Variants in CRISPLD2 observed in about 807,000 individuals in gnomAD.
CRISPLD2 encodes cysteine-rich secretory protein LCCL domain-containing 2.
In CRISPLD2, 47 loss-of-function variants were observed where a neutral mutation model predicts 71.1. The ratio of observed to expected loss-of-function variants is 0.66; its 90% CI spans 0.52 to 0.84. The LOEUF is 0.84. Ranked by LOEUF, CRISPLD2 falls within the 40% of genes least tolerant of loss-of-function variation. The probability of loss-of-function intolerance (pLI) is 0.00; values close to 1 mark genes in which losing one functional copy is unlikely to be tolerated. For missense variants in CRISPLD2, 830 were observed against 651.1 expected, an observed-to-expected ratio of 1.27 and a Z score of -2.99; for synonymous variants, 317 against 250.1, an observed-to-expected ratio of 1.27 and a Z score of -2.52.
At chr16:84,834,913 G>T (rs890156657) in intron 1 of CRISPLD2, among the ~76,000 whole-genome samples, 1 of 151,874 alleles carries the variant, frequency 6.6e-6, no homozygotes, top group African/African-American at 2.4e-5. Flanking sequence ...AATCACCTCC[G>T]CAAAGGCCCC....
At chr16:84,854,707 T>C (rs1171504889) in intron 5 of CRISPLD2, 22 bp from the exon 6 acceptor site, 1 of 1,595,114 alleles carries the variant, frequency 6.3e-7, no homozygotes. Context: ...CCTCTGACGG[T>C]TGTTTTTGGG....
chr16:84,889,482 G>T (rs75622702), intron 14 of CRISPLD2, 119 bp downstream of exon 14: 3 of 1,077,254 alleles, frequency 2.8e-6, no homozygotes, highest in Admixed American at 3.1e-5. Flanking sequence ...AGACTTGCAC[G>T]AATTCTTACC....
rs916102018 is a variant in CRISPLD2, at chr16:84,907,031, A to G, written c.*389A>G. 6.5e-5 allele frequency: 16 copies of G among 246,244 alleles called. No homozygotes were observed. The South Asian group carries it at 6.9e-4, about 11-fold the overall frequency. The allele number at this position is 246,244 out of a possible 1,614,324, so 15.3% of individuals were successfully genotyped here. ...AAGAACAAACCATTTGAAGCTCACA[A>G]TTGTGAAGCATTCACGGCGTCGGAA... On this transcript the variant is annotated 3_prime_UTR_variant, in exon 15 of 15. Transcript: ENST00000262424.
chr16:84,862,153 A>G (rs7500072), intron 6 of CRISPLD2, among the ~76,000 whole-genome samples: 10 of 151,112 alleles, frequency 6.6e-5, no homozygotes, highest in Non-Finnish European at 1.0e-4. Flanking sequence ...TCTCGCCCCC[A>G]CTCCCACAGC....
intron 13 of CRISPLD2, among the ~76,000 whole-genome samples, chr16:84,887,910 A>G (rs1424735562): frequency 6.6e-6 from 1 of 152,192 alleles, no homozygotes; most frequent in African/African-American, 2.4e-5. Context: ...AAATAAATTG[A>G]AGTCATCAGA....
intron 7 of CRISPLD2, among the ~76,000 whole-genome samples, chr16:84,867,464 G>A (rs1917572983): frequency 1.3e-5 from 2 of 152,202 alleles, no homozygotes; most frequent in South Asian, 4.1e-4. Context: ...TGAAGTAGGG[G>A]ATAGAGATGC....
chr16:84,875,414 C>CTTTTTTTTTT lies in CRISPLD2; in HGVS notation c.1156+1465_1156+1474dup, dbSNP rs34028519. On this transcript the variant is annotated intron_variant, in intron 11 of 14. Transcript: ENST00000262424. Reference sequence around the variant, plus strand: ...GAGAAACATGAGATTTATGCATGGACTTTTTTTTTTTTTTTTTTTTTTTGT... The same window carrying CTTTTTTTTTT: ...GAGAAACATGAGATTTATGCATGGACTTTTTTTTTTTTTTTTTTTTTTTTTTTTTTTTTGT... Among the ~76,000 whole-genome samples, 80 of 87,778 alleles carry CTTTTTTTTTT rather than the reference C, an allele frequency of 9.1e-4. 2 individuals are homozygous for CTTTTTTTTTT. Among genetic ancestry groups the CTTTTTTTTTT allele is most frequent in the African/African-American group, 3.9e-3 (71 of 18,010 alleles). The allele number at this position is 87,778 out of a possible 152,430, so 57.6% of individuals were successfully genotyped here.
At chr16:84,875,658 G>GTGAT (rs1241599891) in intron 11 of CRISPLD2, among the ~76,000 whole-genome samples, 1 of 151,416 alleles carries the variant, frequency 6.6e-6, no homozygotes, top group Non-Finnish European at 1.5e-5. Flanking sequence ...ATGGGTTCAA[G>GTGAT]TGATTCTCCT....
chr16:84,885,233 C>T (rs930412419), intron 13 of CRISPLD2, among the ~76,000 whole-genome samples: 1 of 151,574 alleles, frequency 6.6e-6, no homozygotes. Context: ...GAACAATGAG[C>T]TTAATTGTGT....
At chr16:84,865,900 G>T (rs1917522231) in intron 6 of CRISPLD2, among the ~76,000 whole-genome samples, 1 of 152,184 alleles carries the variant, frequency 6.6e-6, no homozygotes, top group Admixed American at 6.5e-5. Context: ...CATAGTTGGA[G>T]AAATAATAAT....
intron 11 of CRISPLD2, 66 bp downstream of exon 11, chr16:84,874,029 A>G (rs2071498367): frequency 7.2e-7 from 1 of 1,386,042 alleles, no homozygotes; most frequent in East Asian, 2.3e-5. Context: ...TGGAAATTTC[A>G]CTTCCTTTAG....
intron 11 of CRISPLD2, among the ~76,000 whole-genome samples, chr16:84,875,328 C>T (rs550525981): frequency 3.3e-5 from 5 of 151,574 alleles, no homozygotes; most frequent in Non-Finnish European, 7.4e-5. Context: ...CAACCCACAG[C>T]CCATGGGCTG....
At chr16:84,822,234 T>C (rs538760069) in intron 1 of CRISPLD2, among the ~76,000 whole-genome samples, 121 of 152,338 alleles carry the variant, frequency 7.9e-4, no homozygotes, top group Non-Finnish European at 1.6e-3. Flanking sequence ...CCTGCCTCTG[T>C]CCTGGAGAGG....
Position 84,903,348 on chromosome 16 carries a change from A to C in CRISPLD2, c.1440-3240A>C, listed in dbSNP as rs186772970. ...TCCCAGCACTTTGGGAGGCCGAGGCAGGCGGATCATGAGCTCAGGCGTTTG... is the reference window on the plus strand; with the variant it reads ...TCCCAGCACTTTGGGAGGCCGAGGCCGGCGGATCATGAGCTCAGGCGTTTG... On this transcript the variant is annotated intron_variant, in intron 14 of 14. Coordinates refer to ENST00000262424, the MANE Select transcript of CRISPLD2 (RefSeq NM_031476.4). Among the ~76,000 whole-genome samples the C allele has an allele frequency of 4.4e-3, 662 of 152,144 alleles. 10 individuals are homozygous for C. The highest frequency in any genetic ancestry group is 0.015 in the African/African-American group (636 of 41,528).
intron 13 of CRISPLD2, among the ~76,000 whole-genome samples, chr16:84,880,887 T>C (rs2071562771): frequency 6.6e-6 from 1 of 151,956 alleles, no homozygotes; most frequent in Admixed American, 6.6e-5. Context: ...GTATTTTCAG[T>C]AGAGACAGGG....
At chr16:84,875,231 A>G (rs1229407288) in intron 11 of CRISPLD2, among the ~76,000 whole-genome samples, 1 of 150,504 alleles carries the variant, frequency 6.6e-6, no homozygotes, top group Non-Finnish European at 1.5e-5. Context: ...ACAGAGCAAG[A>G]CCCTGTCTCA....
intron 14 of CRISPLD2, among the ~76,000 whole-genome samples, chr16:84,890,623 C>A (rs1340411534): frequency 6.6e-6 from 1 of 151,504 alleles, no homozygotes; most frequent in African/African-American, 2.4e-5. Flanking sequence ...AGAAGTGGGC[C>A]GGGTGTGATG....
intron 11 of CRISPLD2, among the ~76,000 whole-genome samples, chr16:84,876,103 A>G (rs1021544926): frequency 3.3e-5 from 5 of 152,328 alleles, no homozygotes; most frequent in Admixed American, 3.3e-4. Context: ...CACCTATTCC[A>G]CATCATCTAT....
intron 14 of CRISPLD2, among the ~76,000 whole-genome samples, chr16:84,899,600 C>T (rs891283740): frequency 3.3e-5 from 5 of 152,276 alleles, no homozygotes; most frequent in South Asian, 2.1e-4. Flanking sequence ...GCCAGTTGCA[C>T]GGTGGCATCC....
Sources: gnomAD v4.1 joint callset for allele counts (sites outside exome capture counted in the v4.1 genomes callset) on GRCh38, gnomAD v4.1.1 for gene constraint, MANE v1.5 for transcripts, NCBI Gene and HGNC (gene_info 2026-07-23, HGNC 2026-07-21) for gene names.